SNTG1: variants seen among roughly 807,000 people sequenced by gnomAD.
SNTG1 encodes the protein gamma-1-syntrophin.
Under a neutral mutation model 74.7 loss-of-function variants are expected in SNTG1, and 39 were observed. That is an observed-to-expected ratio of 0.52 (90% confidence interval 0.40 to 0.68). The LOEUF (loss-of-function observed/expected upper bound fraction) is 0.68. SNTG1 is among the 30% of genes least tolerant of loss of function. The pLI, the probability that SNTG1 is intolerant of heterozygous loss-of-function variation, is 0.00. For synonymous variants in SNTG1, 254 were observed against 217.1 expected, an observed-to-expected ratio of 1.17 and a Z score of -1.49; for missense variants, 685 against 609.5, an observed-to-expected ratio of 1.12 and a Z score of -1.30.
chr8:50,135,825 T>C (rs2131430072), intron 1 of SNTG1, among the ~76,000 whole-genome samples: 1 of 152,296 alleles, frequency 6.6e-6, no homozygotes, highest in Non-Finnish European at 1.5e-5. Context: ...TTGCAGGGGT[T>C]TGGTGTGCCG....
chr8:50,099,596 T>C (rs981676054), intron 1 of SNTG1, among the ~76,000 whole-genome samples: 18 of 152,096 alleles, frequency 1.2e-4, no homozygotes, highest in Admixed American at 5.2e-4. Context: ...CTGTACTAGT[T>C]TGAATTCCCT....
intron 1 of SNTG1, among the ~76,000 whole-genome samples, chr8:50,142,690 T>C (rs947411946): frequency 6.6e-6 from 1 of 152,144 alleles, no homozygotes; most frequent in African/African-American, 2.4e-5. Context: ...TTTATACAAG[T>C]GTTACAAGCA....
intron 13 of SNTG1, among the ~76,000 whole-genome samples, chr8:50,651,010 A>C (rs1010704104): frequency 3.3e-5 from 5 of 152,054 alleles, no homozygotes; most frequent in African/African-American, 1.2e-4. Context: ...CTCTCATTTA[A>C]ATTTTAAAAG....
At chr8:50,310,931 G>A (rs538854727) in intron 2 of SNTG1, among the ~76,000 whole-genome samples, 9 of 152,046 alleles carry the variant, frequency 5.9e-5, no homozygotes, top group Non-Finnish European at 7.4e-5. Flanking sequence ...CTATTTCAGC[G>A]TTCAATTGCC....
At chr8:50,251,458 C>G (rs1223920470) in intron 2 of SNTG1, among the ~76,000 whole-genome samples, 1 of 151,720 alleles carries the variant, frequency 6.6e-6, no homozygotes, top group Non-Finnish European at 1.5e-5. Context: ...AAAACAAAAT[C>G]CCACTATATG....
At chr8:50,625,041 G>A (rs972805835) in intron 13 of SNTG1, among the ~76,000 whole-genome samples, 1 of 152,038 alleles carries the variant, frequency 6.6e-6, no homozygotes, top group Non-Finnish European at 1.5e-5. Flanking sequence ...TACATTAACT[G>A]GTCAATTTCT....
At chr8:50,161,424 A>T (rs1200472008) in intron 1 of SNTG1, among the ~76,000 whole-genome samples, 1 of 152,210 alleles carries the variant, frequency 6.6e-6, no homozygotes, top group Admixed American at 6.5e-5. Context: ...ATCAAATACG[A>T]AGTTCAGTTT....
intron 1 of SNTG1, among the ~76,000 whole-genome samples, chr8:49,914,648 C>T (rs914788062): frequency 5.9e-5 from 9 of 152,254 alleles, no homozygotes; most frequent in African/African-American, 2.2e-4. Context: ...TTTTAATGCT[C>T]ACAGTTTGCC....
intron 1 of SNTG1, among the ~76,000 whole-genome samples, chr8:49,950,361 A>G (rs1036429260): frequency 5.9e-5 from 9 of 152,200 alleles, no homozygotes; most frequent in African/African-American, 1.9e-4. Context: ...GTTAATTACA[A>G]TTGGAATGAT....
intron 1 of SNTG1, among the ~76,000 whole-genome samples, chr8:50,142,126 T>C (rs1392034532): frequency 6.6e-6 from 1 of 152,158 alleles, no homozygotes; most frequent in African/African-American, 2.4e-5. Flanking sequence ...TTCTTATGGC[T>C]TCATGATATT....
intron 10 of SNTG1, among the ~76,000 whole-genome samples, chr8:50,535,136 GATT>G (rs1029903988): frequency 3.3e-5 from 5 of 152,146 alleles, no homozygotes; most frequent in African/African-American, 1.2e-4. Flanking sequence ...AGCTGGGCTA[GATT>G]ATAAGAAATT....
intron 13 of SNTG1, among the ~76,000 whole-genome samples, chr8:50,591,494 G>A (rs2094691576): frequency 6.6e-6 from 1 of 152,064 alleles, no homozygotes; most frequent in Admixed American, 6.6e-5. Context: ...CTTATAAAAT[G>A]TAAGATATTT....
chr8:50,600,866 G>A (rs2094768234), intron 13 of SNTG1, among the ~76,000 whole-genome samples: 1 of 150,380 alleles, frequency 6.6e-6, no homozygotes, highest in Non-Finnish European at 1.5e-5. Context: ...TGCTTGTCTA[G>A]TTCTTTAAGG....
At chr8:50,693,449 C>T (rs2095391080) in intron 15 of SNTG1, among the ~76,000 whole-genome samples, 1 of 152,088 alleles carries the variant, frequency 6.6e-6, no homozygotes, top group South Asian at 2.1e-4. Flanking sequence ...TATATAAATG[C>T]ACCCAACAGT....
rs1353816651 is a variant in SNTG1 at position 50,156,585 on chromosome 8, C to T, written c.-102-15976C>T. On this transcript the variant is annotated intron_variant, in intron 1 of 18. Transcript: ENST00000642720. ...TTACTGTATACAGTTTAATATATAA[C>T]CTAAAATATAGGTTGGGATATGTGC... is the stretch of plus-strand genomic sequence containing the variant. Among the ~76,000 whole-genome samples, 3 of 151,684 alleles carry T rather than the reference C, an allele frequency of 2.0e-5. No homozygotes were observed. In the East Asian group the frequency reaches 5.8e-4, roughly 29 times the overall value.
chr8:50,702,179 A>G (rs2095428561), intron 15 of SNTG1, among the ~76,000 whole-genome samples: 1 of 152,036 alleles, frequency 6.6e-6, no homozygotes, highest in African/African-American at 2.4e-5. Flanking sequence ...TGGCATTTAC[A>G]ATAATTTGTA....
chr8:50,403,362 A>C (rs756023712), intron 4 of SNTG1, among the ~76,000 whole-genome samples: 1 of 152,244 alleles, frequency 6.6e-6, no homozygotes, highest in Non-Finnish European at 1.5e-5. Context: ...GACATTTTGC[A>C]GACTGTTAAC....
At chr8:50,222,583 T>C (rs1312078615) in intron 2 of SNTG1, among the ~76,000 whole-genome samples, 4 of 152,188 alleles carry the variant, frequency 2.6e-5, no homozygotes, top group Non-Finnish European at 4.4e-5. Context: ...CTAGAACATA[T>C]ACCTCCTTTT....
At chr8:50,365,411 C>T (rs1298553435) in intron 2 of SNTG1, among the ~76,000 whole-genome samples, 3 of 151,926 alleles carry the variant, frequency 2.0e-5, no homozygotes, top group Non-Finnish European at 2.9e-5. Context: ...TTTAACTCCA[C>T]GTAATATACA....
Sources: allele counts gnomAD v4.1 joint callset (sites outside exome capture counted in the v4.1 genomes callset), GRCh38; gene constraint gnomAD v4.1.1; transcripts MANE v1.5; gene names NCBI Gene and HGNC (gene_info 2026-07-23, HGNC 2026-07-21).